GRM1: variants seen among roughly 807,000 people sequenced by gnomAD.
GRM1 encodes the protein metabotropic glutamate receptor 1.
GRM1 carries 33 observed loss-of-function variants against 90.9 expected under a neutral mutation model. That is an observed-to-expected ratio of 0.36 (90% confidence interval 0.28 to 0.49). The LOEUF is 0.49. Among genes scored for constraint, GRM1 ranks in the 20% least tolerant of loss-of-function variants. The pLI, the probability that GRM1 is intolerant of heterozygous loss-of-function variation, is 0.99. For synonymous variants in GRM1, 700 were observed against 613.2 expected (o/e 1.14, Z -2.09); for missense variants, 1,190 against 1,534.3 (o/e 0.78, Z 3.75).
In GRM1 at chr6:146,153,213, T is replaced by C. The variant is rs1338962022; in HGVS notation, c.701-6135T>C. 3.9e-5 allele frequency among the ~76,000 whole-genome samples: 6 copies of C among 152,206 alleles called. No individual in the cohort carries two copies. The East Asian group carries it at 1.2e-3, about 29-fold the overall frequency. Reference sequence around the variant, plus strand: ...GATTCTTAACCCATAGCACCTCTATTAGATACTTGCAGTTGTCCTTGTCAT... The same window carrying C: ...GATTCTTAACCCATAGCACCTCTATCAGATACTTGCAGTTGTCCTTGTCAT... On this transcript the variant is annotated intron_variant, in intron 1 of 7. Coordinates refer to ENST00000282753, the MANE Select transcript of GRM1 (RefSeq NM_001278064.2).
chr6:146,298,708 T>C (rs1344595378), intron 2 of GRM1, among the ~76,000 whole-genome samples: 1 of 152,046 alleles, frequency 6.6e-6, no homozygotes, highest in Admixed American at 6.6e-5. Context: ...GTCTACTGAG[T>C]AAGGTGTGAG....
In GRM1 at chr6:146,434,691, G is replaced by A; in HGVS notation, c.3480G>A (p.Ser1160=). 5 of 1,605,228 alleles carry A rather than the reference G, an allele frequency of 3.1e-6. No homozygotes were observed. Among genetic ancestry groups the A allele is most frequent in the Non-Finnish European group, 4.2e-6 (5 of 1,179,960 alleles). Reference sequence around the variant, plus strand: ...GCGACTCGGTGGCCTCGGGCAGCTCGGTGCCCAGCTCCCCCGTGTCCGAGT... The same window carrying A: ...GCGACTCGGTGGCCTCGGGCAGCTCAGTGCCCAGCTCCCCCGTGTCCGAGT... ...PFRDSVASGS[S]VPSSPVSESV... Residue 1160 remains serine (S), a synonymous_variant, in exon 8 of 8, where the codon TCG becomes TCA. Coordinates refer to ENST00000282753, the MANE Select transcript of GRM1 (RefSeq NM_001278064.2).
intron 1 of GRM1, among the ~76,000 whole-genome samples, chr6:146,140,864 T>G (rs1776853118): frequency 6.6e-6 from 1 of 152,226 alleles, no homozygotes; most frequent in Admixed American, 6.5e-5. Flanking sequence ...TAATTTTGAT[T>G]AGTTCATCTT....
chr6:146,203,839 G>A (rs1421266309), intron 2 of GRM1, among the ~76,000 whole-genome samples: 2 of 152,236 alleles, frequency 1.3e-5, no homozygotes, highest in Non-Finnish European at 2.9e-5. Flanking sequence ...TATCTCTCAT[G>A]TAAATTCCCA....
At chr6:146,028,959 G>A (rs553028001), upstream of GRM1, among the ~76,000 whole-genome samples, 9 of 152,306 alleles carry the variant, frequency 5.9e-5, no homozygotes, top group South Asian at 1.0e-3. Flanking sequence ...AACGACTTAA[G>A]GTTGGAGGAG....
chr6:146,293,640 G>A (rs1273106356), intron 2 of GRM1, among the ~76,000 whole-genome samples: 1 of 151,796 alleles, frequency 6.6e-6, no homozygotes, highest in Non-Finnish European at 1.5e-5. Flanking sequence ...CTCAGTTGGA[G>A]AATATTCATT....
chr6:146,249,357 C>T (rs1368308251), intron 2 of GRM1, among the ~76,000 whole-genome samples: 1 of 152,064 alleles, frequency 6.6e-6, no homozygotes, highest in Non-Finnish European at 1.5e-5. Context: ...ATGGGATGGG[C>T]CCATGACCCT....
rs553487172 is a variant in GRM1, at chr6:146,354,103, T to C, written c.1433+1607T>C. Among the ~76,000 whole-genome samples, 15 of 152,344 alleles carry C rather than the reference T, an allele frequency of 9.8e-5. No individual in the cohort carries two copies. In the East Asian group the frequency reaches 2.5e-3, roughly 25 times the overall value. ...TGACAGCTCTAGGAAGGATAAACGA[T>C]ATCAGTCATTGTCAGCAATTAAAAT... On this transcript the variant is annotated intron_variant, in intron 4 of 7. Transcript: ENST00000282753.
chr6:146,108,811 C>T (rs1286410564), intron 1 of GRM1, among the ~76,000 whole-genome samples: 5 of 152,178 alleles, frequency 3.3e-5, no homozygotes, highest in Admixed American at 2.6e-4. Context: ...ATGGACCATA[C>T]AATCCAGGTT....
chr6:146,089,141 C>T (rs972316636), intron 1 of GRM1, among the ~76,000 whole-genome samples: 10 of 152,098 alleles, frequency 6.6e-5, no homozygotes, highest in African/African-American at 2.4e-4. Context: ...CTCTGAGACT[C>T]TCCTTGCTGG....
Position 146,029,627 on chromosome 6 carries a change from C to G in GRM1, c.110C>G (p.Ser37Trp). 1.9e-6 allele frequency: 3 copies of G among 1,614,062 alleles called. No individual in the cohort carries two copies. The highest frequency in any genetic ancestry group is 2.7e-5 in the African/African-American group (2 of 75,006). ...VLLAGASSQR[S>W]VARMDGDVII... ...CTGGCAGGAGCGTCGTCTCAGCGCT[C>G]GGTGGCCAGAATGGACGGAGATGTC... Residue 37 changes from serine (S) to tryptophan (W), a missense_variant, in exon 1 of 8, where the codon TCG becomes TGG. Ser to Trp is a radical substitution (Grantham distance 177). Transcript: ENST00000282753.
intron 1 of GRM1, among the ~76,000 whole-genome samples, chr6:146,106,945 T>C (rs1248107261): frequency 6.6e-6 from 1 of 152,238 alleles, no homozygotes. Context: ...TATCACTTTC[T>C]TGATTCTGTA....
intron 1 of GRM1, among the ~76,000 whole-genome samples, chr6:146,032,622 T>C (rs778013807): frequency 6.6e-6 from 1 of 152,152 alleles, no homozygotes; most frequent in Non-Finnish European, 1.5e-5. Context: ...AGACCACATA[T>C]CAGGGTTGTC....
At chr6:146,318,159 T>G (rs757814301) in intron 3 of GRM1, among the ~76,000 whole-genome samples, 27 of 151,944 alleles carry the variant, frequency 1.8e-4, no homozygotes, top group East Asian at 5.8e-4. Context: ...TAGCCCCCTA[T>G]CCCCCAACAG....
At chr6:146,377,200 A>G (rs1328327501) in intron 5 of GRM1, among the ~76,000 whole-genome samples, 1 of 152,152 alleles carries the variant, frequency 6.6e-6, no homozygotes, top group Non-Finnish European at 1.5e-5. Context: ...GGACTGCTGT[A>G]AAGATACTGA....
intron 1 of GRM1, among the ~76,000 whole-genome samples, chr6:146,136,485 G>A (rs1398238978): frequency 6.6e-6 from 1 of 152,136 alleles, no homozygotes; most frequent in African/African-American, 2.4e-5. Context: ...ACTGGGGTGA[G>A]ATCTCTTTGT....
chr6:146,315,826 A>G (rs548118360), intron 3 of GRM1, among the ~76,000 whole-genome samples: 56 of 152,314 alleles, frequency 3.7e-4, no homozygotes, highest in African/African-American at 1.3e-3. Flanking sequence ...GATTTTAGTA[A>G]TTCATGATCT....
chr6:146,270,867 TTC>T (rs1159527466), intron 2 of GRM1, among the ~76,000 whole-genome samples: 1 of 74,158 alleles, frequency 1.3e-5, no homozygotes, highest in Non-Finnish European at 2.6e-5. Context: ...CTTTCTTTCT[TTC>T]TTTCTTTCTT....
chr6:146,236,764 ATAGGAGAGAAGGATCCAGG>A (rs148391290), intron 2 of GRM1, among the ~76,000 whole-genome samples: 630 of 152,152 alleles, frequency 4.1e-3, no homozygotes, highest in African/African-American at 0.015. Context: ...TCATGGAGAG[ATAGGAGAGAAGGATCCAGG>A]TAGGCCTTCA....
Sources: allele counts gnomAD v4.1 joint callset (sites outside exome capture counted in the v4.1 genomes callset), GRCh38; gene constraint gnomAD v4.1.1; transcripts MANE v1.5; gene names NCBI Gene and HGNC (gene_info 2026-07-23, HGNC 2026-07-21).